DIAPH3: variants seen among roughly 807,000 people sequenced by gnomAD.
DIAPH3 encodes diaphanous related formin 3.
DIAPH3 carries 117 observed loss-of-function variants against 144.3 expected under a neutral mutation model. The ratio of observed to expected loss-of-function variants is 0.81; its 90% CI spans 0.70 to 0.95. The LOEUF (loss-of-function observed/expected upper bound fraction) is 0.95. Ranked by LOEUF, DIAPH3 falls within the 40% of genes least tolerant of loss-of-function variation. The pLI is 0.00. For missense variants in DIAPH3, 1,421 were observed against 1,412.7 expected (o/e 1.01, Z -0.09); for synonymous variants, 519 against 488.9 (o/e 1.06, Z -0.81).
intron 9 of DIAPH3, among the ~76,000 whole-genome samples, chr13:60,006,100 T>C (rs1228017322): frequency 6.6e-6 from 1 of 152,198 alleles, no homozygotes; most frequent in East Asian, 1.9e-4. Context: ...CTAAATTTTT[T>C]AAATCAACGT....
At chr13:60,072,923 G>C (rs578064088) in intron 4 of DIAPH3, among the ~76,000 whole-genome samples, 7 of 152,244 alleles carry the variant, frequency 4.6e-5, no homozygotes, top group African/African-American at 1.7e-4. Flanking sequence ...ATTAACAATA[G>C]TTACCTCTGG....
chr13:60,151,565 T>C (rs970482028), intron 1 of DIAPH3, among the ~76,000 whole-genome samples: 1 of 152,274 alleles, frequency 6.6e-6, no homozygotes, highest in South Asian at 2.1e-4. Flanking sequence ...CATGAATGGG[T>C]TAATGAACCA....
intron 27 of DIAPH3, among the ~76,000 whole-genome samples, chr13:59,736,376 A>C (rs2036153274): frequency 6.6e-6 from 1 of 152,192 alleles, no homozygotes; most frequent in African/African-American, 2.4e-5. Flanking sequence ...ACTGTCTTCT[A>C]TATAGCTGAG....
intron 4 of DIAPH3, among the ~76,000 whole-genome samples, chr13:60,089,843 C>G (rs1192599225): frequency 1.3e-5 from 2 of 152,072 alleles, no homozygotes; most frequent in Non-Finnish European, 2.9e-5. Context: ...AAGGATGCTC[C>G]TTTGAATGGA....
At chr13:59,919,838 A>G (rs1810421802) in intron 18 of DIAPH3, among the ~76,000 whole-genome samples, 2 of 152,114 alleles carry the variant, frequency 1.3e-5, no homozygotes, top group African/African-American at 4.8e-5. Context: ...ATTAAAATTA[A>G]TAGTAACTAC....
chr13:59,807,737 G>C (rs1323516307), intron 25 of DIAPH3, among the ~76,000 whole-genome samples: 2 of 151,974 alleles, frequency 1.3e-5, no homozygotes, highest in Non-Finnish European at 2.9e-5. Flanking sequence ...AGATAGTACA[G>C]AAAAAGTCTA....
At chr13:59,923,769 G>T (rs771154080) in intron 18 of DIAPH3, among the ~76,000 whole-genome samples, 5 of 152,108 alleles carry the variant, frequency 3.3e-5, no homozygotes, top group African/African-American at 1.2e-4. Flanking sequence ...CACCAATGCC[G>T]CCATACTATC....
At chr13:60,080,897 A>T (rs962000080) in intron 4 of DIAPH3, among the ~76,000 whole-genome samples, 4 of 152,002 alleles carry the variant, frequency 2.6e-5, no homozygotes, top group Non-Finnish European at 5.9e-5. Context: ...AGGTGATAAA[A>T]ACTCTTAGAT....
intron 4 of DIAPH3, among the ~76,000 whole-genome samples, chr13:60,056,599 T>C (rs2056569463): frequency 6.6e-6 from 1 of 151,796 alleles, no homozygotes; most frequent in Non-Finnish European, 1.5e-5. Flanking sequence ...CATTCTCCAC[T>C]AAAAGGAACT....
Position 60,163,729 on chromosome 13 carries a change from T to C in DIAPH3, c.38A>G (p.Gln13Arg). 6.2e-7 allele frequency: 1 copy of C among 1,606,416 alleles called. No individual in the cohort carries two copies. Among genetic ancestry groups the C allele is most frequent in the South Asian group, 1.1e-5 (1 of 90,448 alleles). The stretch of plus-strand genomic sequence containing the variant: ...GTAGGGAGTCCCAGCGGCTGAGCCT[T>C]GGGCCGGGTGGTGCAGCCGCGGCTG... ...RHQPRLHHPAQGSAAGTPYPS... is the reference protein window; with the variant it reads ...RHQPRLHHPARGSAAGTPYPS... The change falls in exon 1 of 28, where the codon CAA (glutamine) becomes CGA (arginine). Residue 13 changes from glutamine (Q) to arginine (R), a missense_variant. Transcript: ENST00000400324.
chr13:60,098,577 G>T (rs2058175444), intron 3 of DIAPH3, among the ~76,000 whole-genome samples: 1 of 151,806 alleles, frequency 6.6e-6, no homozygotes, highest in South Asian at 2.1e-4. Context: ...CAAATTGAAA[G>T]AATAAATATA....
At chr13:59,937,182 A>G (rs2048309821) in intron 17 of DIAPH3, among the ~76,000 whole-genome samples, 1 of 152,048 alleles carries the variant, frequency 6.6e-6, no homozygotes. Context: ...AAAACATAAT[A>G]ATAATAATTT....
At chr13:59,892,201 G>A (rs968392981) in intron 20 of DIAPH3, among the ~76,000 whole-genome samples, 6 of 151,828 alleles carry the variant, frequency 4.0e-5, no homozygotes, top group Non-Finnish European at 8.8e-5. Flanking sequence ...ATGATGGGGG[G>A]CAGCATCATT....
chr13:60,072,776 G>A (rs748162055), intron 4 of DIAPH3, among the ~76,000 whole-genome samples: 4 of 152,100 alleles, frequency 2.6e-5, no homozygotes, highest in African/African-American at 4.8e-5. Context: ...CCTATGTTTA[G>A]TACTGCTAGA....
At chr13:59,881,564 AAT>A (rs1348166594) in intron 20 of DIAPH3, among the ~76,000 whole-genome samples, 2 of 152,174 alleles carry the variant, frequency 1.3e-5, no homozygotes, top group African/African-American at 4.8e-5. Flanking sequence ...ACCACCCCAA[AAT>A]ATGTTAAAGC....
intron 20 of DIAPH3, among the ~76,000 whole-genome samples, chr13:59,904,998 CAATATT>C (rs1485512348): frequency 2.6e-5 from 4 of 151,606 alleles, no homozygotes; most frequent in Non-Finnish European, 5.9e-5. Context: ...AAAAGAAAAA[CAATATT>C]AATGATTATG....
intron 20 of DIAPH3, among the ~76,000 whole-genome samples, chr13:59,897,763 AG>A (rs2046199230): frequency 6.6e-6 from 1 of 151,344 alleles, no homozygotes; most frequent in Admixed American, 6.6e-5. Flanking sequence ...AAACAAAAAA[AG>A]AATAAGAAAA....
chr13:59,870,060 C>T (rs920582694), intron 21 of DIAPH3, among the ~76,000 whole-genome samples: 5 of 151,944 alleles, frequency 3.3e-5, no homozygotes, highest in African/African-American at 1.2e-4. Context: ...CCAAAGGTCA[C>T]ATAGATTTTC....
intron 25 of DIAPH3, among the ~76,000 whole-genome samples, chr13:59,803,253 T>C (rs1318796510): frequency 6.6e-6 from 1 of 152,078 alleles, no homozygotes; most frequent in African/African-American, 2.4e-5. Context: ...ATGAACAGGG[T>C]GAAATTATGA....
Sources: gnomAD v4.1 joint callset for allele counts (sites outside exome capture counted in the v4.1 genomes callset) on GRCh38, gnomAD v4.1.1 for gene constraint, MANE v1.5 for transcripts, NCBI Gene and HGNC (gene_info 2026-07-23, HGNC 2026-07-21) for gene names.